The following CHMP3 variants were observed in gnomAD, a reference collection of about 807,000 sequenced individuals.
The protein encoded by CHMP3 is charged multivesicular body protein 3.
In CHMP3, 8 loss-of-function variants were observed where a neutral mutation model predicts 27.4. The ratio of observed to expected loss-of-function variants is 0.29; its 90% CI spans 0.17 to 0.53. The LOEUF (loss-of-function observed/expected upper bound fraction) is 0.53. Ranked by LOEUF, CHMP3 falls within the 20% of genes least tolerant of loss-of-function variation. The pLI, the probability that CHMP3 is intolerant of heterozygous loss-of-function variation, is 0.96. For synonymous variants in CHMP3, 86 were observed against 85.5 expected (o/e 1.01, Z -0.03); for missense variants, 208 against 271.5 (o/e 0.77, Z 1.64).
At chr2:86,547,635 GT>G (rs1676663188) in intron 1 of CHMP3, among the ~76,000 whole-genome samples, 1 of 152,164 alleles carries the variant, frequency 6.6e-6, no homozygotes, top group Admixed American at 6.5e-5. Flanking sequence ...TTATGTTAGA[GT>G]TAAGAAACAC....
chr2:86,562,496 T>C (rs1677412400), intron 1 of CHMP3, among the ~76,000 whole-genome samples: 1 of 152,210 alleles, frequency 6.6e-6, no homozygotes, highest in Non-Finnish European at 1.5e-5. Flanking sequence ...TAGCCCTAAC[T>C]ACCAATATGA....
At chr2:86,507,643 T>A (rs780606746) in intron 4 of CHMP3, 50 bp from the exon 5 acceptor site, 1 of 1,522,716 alleles carries the variant, frequency 6.6e-7, no homozygotes, top group Non-Finnish European at 9.1e-7. Flanking sequence ...TCTGTTCCCA[T>A]CAGACACCCT....
intron 2 of CHMP3, among the ~76,000 whole-genome samples, chr2:86,540,342 GTGT>G (rs1322438955): frequency 2.0e-5 from 3 of 152,158 alleles, no homozygotes; most frequent in Non-Finnish European, 2.9e-5. Context: ...TAGAAGCTCT[GTGT>G]TGTTGTTTTT....
chr2:86,553,198 T>A (rs927179328), intron 1 of CHMP3, among the ~76,000 whole-genome samples: 2 of 149,950 alleles, frequency 1.3e-5, no homozygotes, highest in African/African-American at 2.5e-5. Context: ...AACTTAAAAG[T>A]TGGAGGAAAA....
chr2:86,514,695 C>T (rs1471495219), intron 3 of CHMP3, among the ~76,000 whole-genome samples: 2 of 152,078 alleles, frequency 1.3e-5, no homozygotes, highest in Non-Finnish European at 2.9e-5. Flanking sequence ...ATAAACAAAG[C>T]ATTATTTAAT....
At chr2:86,544,485 C>T (rs904570265) in intron 1 of CHMP3, among the ~76,000 whole-genome samples, 2 of 151,904 alleles carry the variant, frequency 1.3e-5, no homozygotes, top group Non-Finnish European at 2.9e-5. Context: ...GGCAGAGGTC[C>T]CTGAGGCCTT....
intron 2 of CHMP3, among the ~76,000 whole-genome samples, chr2:86,534,762 T>C (rs761656023): frequency 2.6e-5 from 4 of 152,250 alleles, no homozygotes; most frequent in Admixed American, 6.5e-5. Context: ...TATCTGATAA[T>C]AACATAGCTG....
intron 1 of CHMP3, among the ~76,000 whole-genome samples, chr2:86,561,432 C>T (rs985845016): frequency 6.6e-6 from 1 of 152,092 alleles, no homozygotes; most frequent in African/African-American, 2.4e-5. Context: ...CAAGTGTAGA[C>T]CAGCAGCATC....
At chr2:86,552,215 C>T (rs1454600244) in intron 1 of CHMP3, among the ~76,000 whole-genome samples, 2 of 152,112 alleles carry the variant, frequency 1.3e-5, no homozygotes, top group African/African-American at 2.4e-5. Context: ...GAGTCCAAAA[C>T]GGTGCTTCTG....
Position 86,531,529 on chromosome 2 carries a change from G to A in CHMP3, c.107-2132C>T, listed in dbSNP as rs770638576. On this transcript the variant is annotated intron_variant, in intron 2 of 5. Coordinates refer to ENST00000263856, the MANE Select transcript of CHMP3 (RefSeq NM_016079.4). ...TGGGACTACAGGCACACATCACCAC[G>A]CCCAGCAGTTTGTTCTTCAAGTTGT... Among the ~76,000 whole-genome samples, 72 of 152,200 alleles carry A rather than the reference G, an allele frequency of 4.7e-4. 1 individual carries two copies. The highest frequency in any genetic ancestry group is 9.4e-4 in the Non-Finnish European group (64 of 68,014).
intron 5 of CHMP3, 83 bp downstream of exon 5, chr2:86,507,396 A>C: frequency 8.1e-7 from 1 of 1,237,628 alleles, no homozygotes; most frequent in East Asian, 2.3e-5. Context: ...TAATGCCTAA[A>C]GAAAAAGCTA....
intron 3 of CHMP3, among the ~76,000 whole-genome samples, chr2:86,519,841 C>T (rs966569080): frequency 6.6e-6 from 1 of 152,144 alleles, no homozygotes; most frequent in African/African-American, 2.4e-5. Flanking sequence ...ATAAACACAT[C>T]ATGAACAATA....
At chr2:86,557,476 C>T (rs1015775489) in intron 1 of CHMP3, among the ~76,000 whole-genome samples, 1 of 152,158 alleles carries the variant, frequency 6.6e-6, no homozygotes, top group Non-Finnish European at 1.5e-5. Flanking sequence ...TGCTCCCCAT[C>T]TTTAGTAGGC....
At chr2:86,537,267 T>C (rs1676183808) in intron 2 of CHMP3, among the ~76,000 whole-genome samples, 1 of 152,226 alleles carries the variant, frequency 6.6e-6, no homozygotes. Context: ...TTTGAATCAT[T>C]CTAGTAAGGT....
At chr2:86,517,565 CAAAAAA>C (rs70956116) in intron 3 of CHMP3, among the ~76,000 whole-genome samples, 11 of 90,114 alleles carry the variant, frequency 1.2e-4, no homozygotes, top group Non-Finnish European at 1.9e-4. Flanking sequence ...GACTCCGTCT[CAAAAAA>C]AAAAAAAAAA....
intron 1 of CHMP3, among the ~76,000 whole-genome samples, chr2:86,560,338 C>T (rs1677300322): frequency 6.6e-6 from 1 of 152,016 alleles, no homozygotes; most frequent in Non-Finnish European, 1.5e-5. Context: ...CAATCATAGA[C>T]TGGATTAAGA....
chr2:86,506,076 TG>T lies in CHMP3; in HGVS notation c.524-128del, dbSNP rs1014305714. On this transcript the variant is annotated intron_variant, in intron 5 of 5. Transcript: ENST00000263856. ...ATGAGACAGTACAGCAAGCTGTTTT[TG>T]GGGGGGTTTACTCACTCTGGGAAAT... 29 of 1,160,596 alleles carry T rather than the reference TG, an allele frequency of 2.5e-5. No homozygotes were observed. In the African/African-American group the frequency reaches 3.8e-4, roughly 15 times the overall value. 71.9% of individuals were successfully genotyped at this position (1,160,596 alleles called of 1,614,324 possible). A position where few individuals can be genotyped will look rare whatever the true frequency, so the allele number is the denominator to read the frequency against.
At chr2:86,508,982 TATTCATTCAATCAG>T (rs1306542000) in intron 4 of CHMP3, among the ~76,000 whole-genome samples, 1 of 152,202 alleles carries the variant, frequency 6.6e-6, no homozygotes, top group African/African-American at 2.4e-5. Flanking sequence ...GTCATTTATT[TATTCATTCAATCAG>T]CAACGATTCA....
chr2:86,507,552 G>A lies in CHMP3; in HGVS notation c.450C>T (p.Ser150=). 2 of 1,614,136 alleles carry A rather than the reference G, an allele frequency of 1.2e-6. No individual in the cohort carries two copies. The highest frequency in any genetic ancestry group is 1.7e-6 in the Non-Finnish European group (2 of 1,180,022). ...CCTCCATTTCTTCCTGATCGTCCAT[G>A]CTTTCAAAAGTGTCCTCTAACATCT... ...IEEMLEDTFE[S]MDDQEEMEEE... Residue 150 remains serine (S), a synonymous_variant, in exon 5 of 6, where the codon AGC becomes AGT. Coordinates refer to ENST00000263856, the MANE Select transcript of CHMP3 (RefSeq NM_016079.4).
Sources: allele counts gnomAD v4.1 joint callset (sites outside exome capture counted in the v4.1 genomes callset), GRCh38; gene constraint gnomAD v4.1.1; transcripts MANE v1.5; gene names NCBI Gene and HGNC (gene_info 2026-07-23, HGNC 2026-07-21).